GPC5: variants seen among roughly 807,000 people sequenced by gnomAD.
The protein encoded by GPC5 is glypican-5.
In GPC5, 47 loss-of-function variants were observed where a neutral mutation model predicts 53.9. The ratio of observed to expected loss-of-function variants is 0.87; its 90% confidence interval spans 0.69 to 1.11. The LOEUF is 1.11. Among genes scored for constraint, GPC5 ranks in the 50% most tolerant of loss-of-function variants. GPC5 has a pLI of 0.00. For synonymous variants in GPC5, 286 were observed against 263.3 expected (o/e 1.09, Z -0.84); for missense variants, 748 against 713.1 (o/e 1.05, Z -0.56).
At chr13:92,282,724 C>T (rs932712754) in intron 7 of GPC5, among the ~76,000 whole-genome samples, 1 of 152,040 alleles carries the variant, frequency 6.6e-6, no homozygotes, top group Non-Finnish European at 1.5e-5. Context: ...GCCTGCCCTA[C>T]AAGAGTTCAG....
intron 7 of GPC5, among the ~76,000 whole-genome samples, chr13:92,322,987 G>A (rs1475830003): frequency 1.3e-5 from 2 of 151,764 alleles, no homozygotes; most frequent in African/African-American, 2.4e-5. Flanking sequence ...GGAAATTTAT[G>A]AACTACAGAA....
chr13:91,801,775 G>A (rs1163383653), intron 5 of GPC5, among the ~76,000 whole-genome samples: 2 of 152,128 alleles, frequency 1.3e-5, no homozygotes, highest in Admixed American at 6.6e-5. Context: ...GTTGATGTGG[G>A]CAAAGTCACA....
intron 5 of GPC5, among the ~76,000 whole-genome samples, chr13:91,882,661 GT>G (rs1407430218): frequency 9.7e-4 from 39 of 40,318 alleles, no homozygotes; most frequent in African/African-American, 3.8e-3. Context: ...TTGTTTGTTT[GT>G]TTTTTGGGTT....
intron 7 of GPC5, among the ~76,000 whole-genome samples, chr13:92,177,627 C>A (rs1005106569): frequency 6.6e-6 from 1 of 152,098 alleles, no homozygotes; most frequent in African/African-American, 2.4e-5. Context: ...AAAATGATTT[C>A]TTGCATCCCA....
intron 7 of GPC5, among the ~76,000 whole-genome samples, chr13:92,560,991 T>G (rs910038484): frequency 6.6e-6 from 1 of 151,748 alleles, no homozygotes; most frequent in African/African-American, 2.4e-5. Context: ...TCCAAATTTC[T>G]GAAGTACATT....
At chr13:92,262,027 T>C (rs1178774705) in intron 7 of GPC5, among the ~76,000 whole-genome samples, 1 of 152,084 alleles carries the variant, frequency 6.6e-6, no homozygotes, top group Non-Finnish European at 1.5e-5. Context: ...CAGGCTTTTT[T>C]CCCAAAAGAA....
chr13:92,800,560 A>T (rs1223413284), intron 7 of GPC5, among the ~76,000 whole-genome samples: 1 of 151,904 alleles, frequency 6.6e-6, no homozygotes, highest in Non-Finnish European at 1.5e-5. Context: ...AATTGGAATT[A>T]CCAACATTCC....
chr13:91,770,713 T>TA (rs1448226306), intron 5 of GPC5, among the ~76,000 whole-genome samples: 1 of 151,426 alleles, frequency 6.6e-6, no homozygotes, highest in African/African-American at 2.4e-5. Flanking sequence ...TTTGTGTGTG[T>TA]GTGTGTGTGT....
intron 7 of GPC5, among the ~76,000 whole-genome samples, chr13:92,818,299 C>T (rs961283127): frequency 1.3e-5 from 2 of 151,918 alleles, no homozygotes; most frequent in Admixed American, 6.5e-5. Context: ...CGTGAGCCAC[C>T]GCAACTGGCC....
intron 7 of GPC5, among the ~76,000 whole-genome samples, chr13:92,648,437 A>G (rs1186860909): frequency 2.6e-5 from 4 of 152,040 alleles, no homozygotes; most frequent in African/African-American, 9.7e-5. Context: ...GGCATATTTT[A>G]TGCTCCTATT....
At chr13:91,773,750 T>C (rs571894809) in intron 5 of GPC5, among the ~76,000 whole-genome samples, 5 of 152,312 alleles carry the variant, frequency 3.3e-5, no homozygotes, top group African/African-American at 1.2e-4. Flanking sequence ...ATTAGGAATT[T>C]ATTCATGCAG....
chr13:91,479,023 C>T (rs1332000950), intron 2 of GPC5, among the ~76,000 whole-genome samples: 1 of 150,754 alleles, frequency 6.6e-6, no homozygotes, highest in Non-Finnish European at 1.5e-5. Flanking sequence ...AGCGATTCTC[C>T]TGTCTCAGCC....
intron 6 of GPC5, among the ~76,000 whole-genome samples, chr13:91,948,811 A>G (rs1425084449): frequency 6.6e-6 from 1 of 152,358 alleles, no homozygotes; most frequent in Admixed American, 6.5e-5. Context: ...GTAATGCTGC[A>G]GAGTCAAAGT....
chr13:92,007,870 C>T lies in GPC5; in HGVS notation c.1401+99813C>T, dbSNP rs1055735924. On this transcript the variant is annotated intron_variant, in intron 6 of 7. Coordinates refer to ENST00000377067, the MANE Select transcript of GPC5 (RefSeq NM_004466.6). The stretch of plus-strand genomic sequence containing the variant: ...ATAGGCACTGGCAACGTATCCTAGT[C>T]TCCCTTTATGCCATGTACACCTTCA... 5.9e-5 allele frequency among the ~76,000 whole-genome samples: 9 copies of T among 152,040 alleles called. 1 individual carries two copies. Among genetic ancestry groups the T allele is most frequent in the African/African-American group, 2.2e-4 (9 of 41,402 alleles).
At chr13:92,327,915 G>C (rs910107792) in intron 7 of GPC5, among the ~76,000 whole-genome samples, 3 of 152,028 alleles carry the variant, frequency 2.0e-5, no homozygotes, top group African/African-American at 7.2e-5. Flanking sequence ...TTTCCATCTT[G>C]TCTTCACTAA....
At chr13:92,585,105 G>A (rs978316608) in intron 7 of GPC5, among the ~76,000 whole-genome samples, 4 of 152,086 alleles carry the variant, frequency 2.6e-5, no homozygotes, top group African/African-American at 7.2e-5. Context: ...TCCCTCCTGG[G>A]GCACCATCTA....
chr13:92,528,118 T>C lies in GPC5; in HGVS notation c.1562-338164T>C, dbSNP rs565682511. On this transcript the variant is annotated intron_variant, in intron 7 of 7. Transcript: ENST00000377067. The stretch of plus-strand genomic sequence containing the variant: ...CACTAGAGAATTGAAACCTAAAATA[T>C]CCAATAAAGGCAGTCTCTGTGCTCA... Among the ~76,000 whole-genome samples the C allele has an allele frequency of 3.3e-5, 5 of 152,118 alleles. No homozygotes were observed. In the East Asian group the frequency reaches 9.7e-4, roughly 29 times the overall value.
intron 7 of GPC5, among the ~76,000 whole-genome samples, chr13:92,389,112 T>C (rs1874879077): frequency 6.6e-6 from 1 of 152,108 alleles, no homozygotes; most frequent in Non-Finnish European, 1.5e-5. Flanking sequence ...CTGATATTGA[T>C]TTAATGGTAG....
At chr13:91,478,902 T>TATATATATATATATATACAC (rs201918417) in intron 2 of GPC5, among the ~76,000 whole-genome samples, 21 of 90,308 alleles carry the variant, frequency 2.3e-4, no homozygotes, top group African/African-American at 1.1e-3. Flanking sequence ...TATATATATA[T>TATATATATATATATATACAC]GCACATATAT....
Sources: gnomAD v4.1 joint callset for allele counts (sites outside exome capture counted in the v4.1 genomes callset) on GRCh38, gnomAD v4.1.1 for gene constraint, MANE v1.5 for transcripts, NCBI Gene and HGNC (gene_info 2026-07-23, HGNC 2026-07-21) for gene names.